FGF13: variants seen among roughly 807,000 people sequenced by gnomAD.
The protein encoded by FGF13 is fibroblast growth factor homologous factor 2.
A neutral mutation model predicts 19.5 loss-of-function variants in FGF13; 2 were observed. The ratio of observed to expected loss-of-function variants is 0.10; its 90% CI spans 0.04 to 0.32. The LOEUF is 0.32. Ranked by LOEUF, FGF13 falls within the 10% of genes least tolerant of loss-of-function variation. The pLI, the probability that FGF13 is intolerant of heterozygous loss-of-function variation, is 1.00. For missense variants in FGF13, 113 were observed against 192.7 expected, an observed-to-expected ratio of 0.59 and a Z score of 2.45; for synonymous variants, 72 against 76.9, an observed-to-expected ratio of 0.94 and a Z score of 0.33.
upstream of FGF13, among the ~76,000 whole-genome samples, chrX:138,743,592 G>A (rs1482836304): frequency 1.8e-5 from 2 of 111,262 alleles, no homozygotes; most frequent in Non-Finnish European, 3.8e-5. Context: ...TCCAGTGGGT[G>A]GATATTTCTA....
intron 3 of FGF13, among the ~76,000 whole-genome samples, chrX:138,809,696 C>T (rs2090904863): frequency 9.1e-6 from 1 of 110,235 alleles, no homozygotes; most frequent in Non-Finnish European, 1.9e-5. Context: ...TTTAGAAAAC[C>T]CCATCTCAGC....
chrX:138,739,351 T>C (rs2090303594), exon 1 of FGF13: 2 of 1,065,249 alleles, frequency 1.9e-6, no homozygotes, highest in East Asian at 6.2e-5. Context: ...TCAGAGAAAG[T>C]TTAAGGCATA....
At chrX:138,778,597 C>T (rs1021631388) in intron 3 of FGF13, among the ~76,000 whole-genome samples, 2 of 112,372 alleles carry the variant, frequency 1.8e-5, no homozygotes, top group Admixed American at 9.4e-5. Flanking sequence ...GCTAACACTG[C>T]GCTTTTCCGA....
chrX:139,173,800 C>A (rs2084154172), intron 1 of FGF13, among the ~76,000 whole-genome samples: 1 of 111,943 alleles, frequency 8.9e-6, no homozygotes, highest in South Asian at 3.7e-4. Context: ...TCCAGTCTAT[C>A]ATTGATGGGC....
chrX:138,954,173 G>T (rs1427909835), intron 1 of FGF13, among the ~76,000 whole-genome samples: 1 of 108,328 alleles, frequency 9.2e-6, no homozygotes, highest in Non-Finnish European at 1.9e-5. Context: ...AAACAGACTT[G>T]GGTTGAATCC....
At chrX:139,142,848 C>T (rs776721820) in intron 1 of FGF13, among the ~76,000 whole-genome samples, 2 of 111,569 alleles carry the variant, frequency 1.8e-5, no homozygotes, top group South Asian at 7.5e-4. Context: ...ATCATGTTAC[C>T]CTAGGCTTAA....
chrX:139,164,093 C>CTT (rs56733431), intron 1 of FGF13, among the ~76,000 whole-genome samples: 1,038 of 93,798 alleles, frequency 0.011, 4 homozygotes, highest in African/African-American at 0.016. Context: ...GCTGAGTTTT[C>CTT]TTTTTTTTTT....
At chrX:138,941,755 G>A (rs902098514) in intron 1 of FGF13, among the ~76,000 whole-genome samples, 3 of 111,747 alleles carry the variant, frequency 2.7e-5, no homozygotes, top group Non-Finnish European at 5.6e-5. Context: ...GCCAGATTAG[G>A]TTGTATGTAT....
chrX:139,134,837 G>T (rs757997264), intron 1 of FGF13, among the ~76,000 whole-genome samples: 5 of 111,192 alleles, frequency 4.5e-5, no homozygotes, highest in African/African-American at 1.6e-4. Flanking sequence ...TTGTAGAGAT[G>T]GGGCTTTGCC....
intron 3 of FGF13, among the ~76,000 whole-genome samples, chrX:138,784,988 T>C (rs2090681294): frequency 1.8e-5 from 2 of 112,292 alleles, no homozygotes; most frequent in Non-Finnish European, 3.8e-5. Context: ...ATGAGCCCTC[T>C]GTGTTGCCTG....
intron 1 of FGF13, among the ~76,000 whole-genome samples, chrX:139,191,013 C>T (rs1004570681): frequency 5.4e-5 from 6 of 111,872 alleles, no homozygotes; most frequent in Admixed American, 2.8e-4. Context: ...ATTGTAACTA[C>T]CTCCACATTC....
intron 1 of FGF13, among the ~76,000 whole-genome samples, chrX:138,922,305 T>A (rs2091650861): frequency 8.9e-6 from 1 of 112,025 alleles, no homozygotes; most frequent in Admixed American, 9.5e-5. Context: ...TTTCCTATTC[T>A]ATAGCACAAG....
chrX:138,732,543 G>A (rs1410046090), intron 1 of FGF13, among the ~76,000 whole-genome samples: 1 of 111,396 alleles, frequency 9.0e-6, no homozygotes, highest in Non-Finnish European at 1.9e-5. Context: ...TAGGAAAAAC[G>A]AACCTATGGT....
chrX:138,812,352 C>A (rs1164407429), intron 3 of FGF13, among the ~76,000 whole-genome samples: 4 of 111,974 alleles, frequency 3.6e-5, no homozygotes, highest in African/African-American at 1.3e-4. Flanking sequence ...AACAATGGTG[C>A]TATGAACATT....
At chrX:138,949,131 C>G (rs1014898951) in intron 1 of FGF13, among the ~76,000 whole-genome samples, 4 of 111,686 alleles carry the variant, frequency 3.6e-5, no homozygotes, top group African/African-American at 1.3e-4. Flanking sequence ...GAAATTACAT[C>G]TAGTTGAAGA....
chrX:138,975,763 T>C (rs1388649268), intron 1 of FGF13, among the ~76,000 whole-genome samples: 2 of 111,120 alleles, frequency 1.8e-5, no homozygotes, highest in Non-Finnish European at 3.8e-5. Flanking sequence ...GGGAACAAAA[T>C]AAAAGCAATG....
At chrX:139,125,259 G>T (rs2083706978) in intron 1 of FGF13, among the ~76,000 whole-genome samples, 1 of 111,000 alleles carries the variant, frequency 9.0e-6, no homozygotes, top group Non-Finnish European at 1.9e-5. Flanking sequence ...ATTTAGGACT[G>T]ATTTTTCATA....
intron 1 of FGF13, among the ~76,000 whole-genome samples, chrX:138,995,813 C>T (rs1173419227): frequency 1.8e-5 from 2 of 112,266 alleles, no homozygotes; most frequent in African/African-American, 3.2e-5. Context: ...TATTCCTCTG[C>T]ATATGCACCC....
chrX:138,998,999 T>C (rs2092059068), intron 1 of FGF13, among the ~76,000 whole-genome samples: 1 of 112,098 alleles, frequency 8.9e-6, no homozygotes, highest in Non-Finnish European at 1.9e-5. Flanking sequence ...CAGACCACAG[T>C]GCAATCAAAT....
Sources: gnomAD v4.1 joint callset for allele counts (sites outside exome capture counted in the v4.1 genomes callset) on GRCh38, gnomAD v4.1.1 for gene constraint, MANE v1.5 for transcripts, NCBI Gene and HGNC (gene_info 2026-07-23, HGNC 2026-07-21) for gene names.